Variants in FSCN1 observed in about 807,000 individuals in gnomAD.
The protein encoded by FSCN1 is fascin actin-bundling protein 1, also known as fascin.
A neutral mutation model predicts 39.7 loss-of-function variants in FSCN1; 10 were observed. The ratio of observed to expected loss-of-function variants is 0.25; its 90% CI spans 0.16 to 0.43. The LOEUF (loss-of-function observed/expected upper bound fraction) is 0.43. Ranked by LOEUF, FSCN1 falls within the 20% of genes least tolerant of loss-of-function variation. The pLI is 1.00. For synonymous variants in FSCN1, 322 were observed against 320.0 expected, an observed-to-expected ratio of 1.01 and a Z score of -0.07; for missense variants, 525 against 723.8, an observed-to-expected ratio of 0.73 and a Z score of 3.15.
chr7:5,597,621 C>A (rs1476028655), intron 1 of FSCN1, among the ~76,000 whole-genome samples: 1 of 151,666 alleles, frequency 6.6e-6, no homozygotes, highest in Admixed American at 6.6e-5. Flanking sequence ...GAGCCGAGAT[C>A]GCACCATTGC....
intron 1 of FSCN1, among the ~76,000 whole-genome samples, chr7:5,602,238 A>G (rs983082386): frequency 2.0e-5 from 3 of 149,114 alleles, no homozygotes; most frequent in Non-Finnish European, 4.4e-5. Context: ...GGTCTTGCTA[A>G]GTTGTCCAGG....
At chr7:5,598,536 A>G (rs1785770897) in intron 1 of FSCN1, among the ~76,000 whole-genome samples, 1 of 152,176 alleles carries the variant, frequency 6.6e-6, no homozygotes, top group Non-Finnish European at 1.5e-5. Flanking sequence ...GGCTTCCTGC[A>G]TTTGTTCCAG....
At chr7:5,593,887 C>A (rs930820867) in intron 1 of FSCN1, 119 bp downstream of exon 1, 9 of 704,902 alleles carry the variant, frequency 1.3e-5, no homozygotes, top group South Asian at 1.9e-5. Context: ...GAGCACTGCC[C>A]ATTGCGCCCC....
intron 1 of FSCN1, among the ~76,000 whole-genome samples, chr7:5,598,196 G>A (rs1785765119): frequency 6.6e-6 from 1 of 152,200 alleles, no homozygotes; most frequent in African/African-American, 2.4e-5. Flanking sequence ...GAGGAAGGTT[G>A]CAGGGAAGGC....
At position 5,605,455 on chromosome 7, in the gene FSCN1, C is replaced by T; in HGVS notation, c.1463C>T (p.Ala488Val). ...GCCTCGGCGGAAACCGTGGACCCCG[C>T]CTCGCTCTGGGAGTACTAGGGCCGG... is the stretch of plus-strand genomic sequence containing the variant. Reference protein sequence around the residue: ...LKASAETVDPASLWEY With the variant: ...LKASAETVDPVSLWEY Residue 488 changes from alanine to valine, a missense_variant, in exon 5 of 5, where the codon GCC becomes GTC. Physicochemically the swap from Ala to Val is moderately conservative, Grantham distance 64. Coordinates refer to ENST00000382361, the MANE Select transcript of FSCN1 (RefSeq NM_003088.4). The surrounding 1 kb of genome is among the most constrained non-coding windows in gnomAD (Gnocchi z 6.9). The T allele has an allele frequency of 1.3e-6, 2 of 1,587,738 alleles. No homozygotes were observed. Among genetic ancestry groups the T allele is most frequent in the Non-Finnish European group, 1.7e-6 (2 of 1,167,170 alleles).
In FSCN1 at chr7:5,594,568, C is replaced by T. The variant is rs1239339679; in HGVS notation, c.832+800C>T. The T allele has an allele frequency of 3.9e-5, 6 of 152,108 alleles. No individual in the cohort carries two copies. The East Asian group carries it at 9.7e-4, about 24-fold the overall frequency. 9.4% of individuals were successfully genotyped at this position (152,108 alleles called of 1,614,324 possible). The stretch of plus-strand genomic sequence containing the variant: ...GATCGGCTTTTGCGGTTCACCCCTG[C>T]AGAGGAGCCCCCCGCGCCGCCCCCG... On this transcript the variant is annotated intron_variant, in intron 1 of 4. Coordinates refer to ENST00000382361, the MANE Select transcript of FSCN1 (RefSeq NM_003088.4).
chr7:5,595,538 T>A (rs1160382166), intron 1 of FSCN1, among the ~76,000 whole-genome samples: 1 of 152,180 alleles, frequency 6.6e-6, no homozygotes, highest in Non-Finnish European at 1.5e-5. Context: ...GTACAGGTTA[T>A]TAGATGGCTG....
intron 4 of FSCN1, 43 bp downstream of exon 4, chr7:5,604,073 G>T: frequency 6.3e-7 from 1 of 1,589,784 alleles, no homozygotes; most frequent in Non-Finnish European, 8.6e-7. Context: ...GAACCCCTCG[G>T]TCGGGGCTGG....
At position 5,592,975 on chromosome 7, in the gene FSCN1, G is replaced by A. The variant is rs1339265127; in HGVS notation, c.39G>A (p.Gln13=). The A allele has an allele frequency of 3.1e-6, 5 of 1,588,544 alleles. No homozygotes were observed. Among genetic ancestry groups the A allele is most frequent in the Non-Finnish European group, 3.4e-6 (4 of 1,167,516 alleles). ...ANGTAEAVQI[Q]FGLINCGNKY... ...GCACAGCCGAGGCGGTGCAGATCCA[G>A]TTCGGCCTCATCAACTGCGGCAACA... The change falls in exon 1 of 5, where the codon CAG becomes CAA. Residue 13 remains glutamine (Q), a synonymous_variant. Transcript: ENST00000382361. This position sits in a 1 kb window ranked among gnomAD's most constrained non-coding sequence, Gnocchi z 5.3.
rs71701752 is a variant in FSCN1 at position 5,601,955 on chromosome 7, A to AT, written c.833-1286dup. Among the ~76,000 whole-genome samples the AT allele has an allele frequency of 8.8e-3, 1,277 of 144,722 alleles. 14 individuals carry two copies. Among genetic ancestry groups the AT allele is most frequent in the East Asian group, 0.062 (306 of 4,960 alleles). 94.9% of individuals were successfully genotyped at this position (144,722 alleles called of 152,430 possible). On this transcript the variant is annotated intron_variant, in intron 1 of 4. Coordinates refer to ENST00000382361, the MANE Select transcript of FSCN1 (RefSeq NM_003088.4). ...TTTTAGAGACAGGGCTTAAAAAAAA[A>AT]TTTTTTTTTTTTTTTTGAGGCGGAA...
chr7:5,597,359 A>G (rs1188756523), intron 1 of FSCN1, among the ~76,000 whole-genome samples: 1 of 151,282 alleles, frequency 6.6e-6, no homozygotes, highest in African/African-American at 2.4e-5. Flanking sequence ...ACAGAACGAG[A>G]CCCTGTCTTA....
At chr7:5,600,228 A>G (rs1286760293) in intron 1 of FSCN1, among the ~76,000 whole-genome samples, 2 of 152,108 alleles carry the variant, frequency 1.3e-5, no homozygotes, top group African/African-American at 2.4e-5. Flanking sequence ...CCTGGCCAAC[A>G]TAATGAAACT....
At position 5,599,579 on chromosome 7, in the gene FSCN1, A is replaced by C. The variant is rs1584301316; in HGVS notation, c.833-3678A>C. Among the ~76,000 whole-genome samples the C allele has an allele frequency of 6.6e-6, 1 of 152,092 alleles. No homozygotes were observed. Among genetic ancestry groups the C allele is most frequent in the Admixed American group, 6.6e-5 (1 of 15,252 alleles). ...GTAATCCCAGCACTTTGGGAGGCAA[A>C]GGTGGGAGGACTGCTTGAGTCCTGG... On this transcript the variant is annotated intron_variant, in intron 1 of 4. Transcript: ENST00000382361. This position sits in a 1 kb window ranked among gnomAD's most constrained non-coding sequence, Gnocchi z 5.6.
chr7:5,592,856 A>G lies in FSCN1; in HGVS notation c.-81A>G, dbSNP rs964779863. Reference sequence around the variant, plus strand: ...GGGTGCGTGCGGGCCGCGGCAGCCGAACAAAGGAGCAGGGGCGCCGCCGCA... The same window carrying G: ...GGGTGCGTGCGGGCCGCGGCAGCCGGACAAAGGAGCAGGGGCGCCGCCGCA... On this transcript the variant is annotated 5_prime_UTR_variant, in exon 1 of 5. Transcript: ENST00000382361. The surrounding 1 kb of genome is among the most constrained non-coding windows in gnomAD (Gnocchi z 5.3). The G allele has an allele frequency of 2.4e-6, 2 of 829,792 alleles. No individual in the cohort carries two copies. Among genetic ancestry groups the G allele is most frequent in the East Asian group, 2.9e-5 (1 of 34,796 alleles). 51.4% of individuals were successfully genotyped at this position (829,792 alleles called of 1,614,324 possible).
intron 1 of FSCN1, among the ~76,000 whole-genome samples, chr7:5,600,616 C>A (rs544013978): frequency 6.6e-6 from 1 of 150,660 alleles, no homozygotes; most frequent in East Asian, 2.0e-4. Flanking sequence ...GTCAGCCTCC[C>A]GAGCAGCTGG....
rs1785780361 is a variant in FSCN1 at position 5,599,042 on chromosome 7, C to G, written c.833-4215C>G. 6.6e-6 allele frequency among the ~76,000 whole-genome samples: 1 copy of G among 152,072 alleles called. No homozygotes were observed. Among genetic ancestry groups the G allele is most frequent in the African/African-American group, 2.4e-5 (1 of 41,412 alleles). ...GGCGGGCCAGACCTTTGCAGGGCCT[C>G]TTGGCTGGTGGAGGGCTGAGTGAGC... is the stretch of plus-strand genomic sequence containing the variant. On this transcript the variant is annotated intron_variant, in intron 1 of 4. Coordinates refer to ENST00000382361, the MANE Select transcript of FSCN1 (RefSeq NM_003088.4). This position sits in a 1 kb window ranked among gnomAD's most constrained non-coding sequence, Gnocchi z 5.6.
At chr7:5,594,137 A>C (rs1785686521) in intron 1 of FSCN1, 25 of 176,896 alleles carry the variant, frequency 1.4e-4, no homozygotes, top group East Asian at 4.8e-4. Context: ...CCCCTCACCC[A>C]TTTCCTCGTG....
At chr7:5,598,287 T>C (rs1055326002) in intron 1 of FSCN1, among the ~76,000 whole-genome samples, 6 of 152,206 alleles carry the variant, frequency 3.9e-5, no homozygotes, top group Non-Finnish European at 1.5e-5. Context: ...AGTTCCAGGA[T>C]TGAACGCAAC....
rs371278589 is a variant in FSCN1 at position 5,605,334 on chromosome 7, C to G, written c.1342C>G (p.Pro448Ala). Reference sequence around the variant, plus strand: ...CGCGGTCACCAGCAGCGGCGACACTCCTGTGGACTTCTTCTTCGAGTTCTG... The same window carrying G: ...CGCGGTCACCAGCAGCGGCGACACTGCTGTGGACTTCTTCTTCGAGTTCTG... Reference protein sequence around the residue: ...DSAVTSSGDTPVDFFFEFCDY... With the variant: ...DSAVTSSGDTAVDFFFEFCDY... The change falls in exon 5 of 5, where the codon CCT (proline) becomes GCT (alanine). Residue 448 changes from proline (P) to alanine (A), a missense_variant. Physicochemically the swap from Pro to Ala is conservative, Grantham distance 27. Transcript: ENST00000382361. The surrounding 1 kb of genome is among the most constrained non-coding windows in gnomAD (Gnocchi z 6.9). 10 of 1,613,670 alleles carry G rather than the reference C, an allele frequency of 6.2e-6. No individual in the cohort carries two copies. Among genetic ancestry groups the G allele is most frequent in the Non-Finnish European group, 7.6e-6 (9 of 1,179,728 alleles).
Sources: gnomAD v4.1 joint callset for allele counts (sites outside exome capture counted in the v4.1 genomes callset) on GRCh38, gnomAD v4.1.1 for gene constraint, Gnocchi (gnomAD v3.1) non-coding constraint, MANE v1.5 for transcripts, NCBI Gene and HGNC (gene_info 2026-07-23, HGNC 2026-07-21) for gene names.